Variants in SOX5 observed in about 807,000 individuals in gnomAD.
SOX5 encodes SRY-box transcription factor 5.
Under a neutral mutation model 92.0 loss-of-function variants are expected in SOX5, and 9 were observed. The observed-to-expected ratio is 0.10, with a 90% CI of 0.06 to 0.17. The LOEUF (loss-of-function observed/expected upper bound fraction) is 0.17. Ranked by LOEUF, SOX5 falls within the 10% of genes least tolerant of loss-of-function variation. SOX5 has a pLI of 1.00. For missense variants in SOX5, 642 were observed against 944.5 expected (o/e 0.68, Z 4.20); for synonymous variants, 344 against 336.3 (o/e 1.02, Z -0.25).
At chr12:24,476,013 A>G (rs1414376796) in intron 1 of SOX5, among the ~76,000 whole-genome samples, 1 of 151,866 alleles carries the variant, frequency 6.6e-6, no homozygotes, top group Admixed American at 6.6e-5. Flanking sequence ...AAAAAAAAAA[A>G]AGCAGAAGAG....
chr12:23,766,163 T>A (rs2094719870), intron 3 of SOX5, among the ~76,000 whole-genome samples: 1 of 152,164 alleles, frequency 6.6e-6, no homozygotes, highest in South Asian at 2.1e-4. Context: ...TAAAGTAATC[T>A]TCTGGTCATC....
chr12:23,719,337 A>C (rs1051507743), intron 6 of SOX5, among the ~76,000 whole-genome samples: 1 of 152,200 alleles, frequency 6.6e-6, no homozygotes, highest in African/African-American at 2.4e-5. Flanking sequence ...AATAAATACC[A>C]TTTAATAATG....
intron 1 of SOX5, among the ~76,000 whole-genome samples, chr12:23,932,182 A>G (rs76964726): frequency 0.045 from 6,818 of 151,720 alleles, 206 homozygotes; most frequent in Middle Eastern, 0.082. Flanking sequence ...ACCTGTCTTA[A>G]GAGCCCTGTA....
At chr12:23,921,718 T>C (rs1938332110) in intron 1 of SOX5, among the ~76,000 whole-genome samples, 1 of 152,146 alleles carries the variant, frequency 6.6e-6, no homozygotes. Context: ...GCTCTCTAAC[T>C]CACACTCCCC....
intron 4 of SOX5, among the ~76,000 whole-genome samples, chr12:24,050,911 G>T (rs544256618): frequency 1.3e-5 from 2 of 152,194 alleles, no homozygotes; most frequent in South Asian, 4.1e-4. Context: ...ATTTACTCAT[G>T]TGAATATTCA....
intron 4 of SOX5, among the ~76,000 whole-genome samples, chr12:24,111,673 A>AT (rs1947362026): frequency 6.6e-6 from 1 of 151,890 alleles, no homozygotes; most frequent in African/African-American, 2.4e-5. Flanking sequence ...CTAATATTTT[A>AT]TTTAAAAAAA....
intron 4 of SOX5, among the ~76,000 whole-genome samples, chr12:24,129,703 AAG>A (rs1949461933): frequency 1.3e-5 from 2 of 152,218 alleles, no homozygotes; most frequent in Non-Finnish European, 1.5e-5. Flanking sequence ...GGCAGAGTGA[AAG>A]AGAGGTTCTG....
chr12:23,564,859 A>G lies in SOX5; in HGVS notation c.1343-1456T>C, dbSNP rs117575716. ...TCTGATCTGCTGATTGCCAAAAAAC[A>G]TAGAATATGTTCTTGCTGCTTAAAC... is the stretch of plus-strand genomic sequence containing the variant. On this transcript the variant is annotated intron_variant, in intron 10 of 14. Coordinates refer to ENST00000451604, the MANE Select transcript of SOX5 (RefSeq NM_006940.6). Among the ~76,000 whole-genome samples the G allele has an allele frequency of 5.9e-5, 9 of 152,342 alleles. No homozygotes were observed. In the East Asian group the frequency reaches 1.7e-3, roughly 29 times the overall value.
chr12:24,344,080 T>G lies in SOX5; in HGVS notation c.-174+24483A>C, dbSNP rs562724060. Among the ~76,000 whole-genome samples the G allele has an allele frequency of 9.2e-4, 140 of 152,016 alleles. 3 individuals carry two copies. The South Asian group carries it at 0.028, about 31-fold the overall frequency. ...TGGGCGAATCACAAGGTCAGGAGATTGAGGCCATCCTGACCAACATGGTGA... is the reference window on the plus strand; with the variant it reads ...TGGGCGAATCACAAGGTCAGGAGATGGAGGCCATCCTGACCAACATGGTGA... On this transcript the variant is annotated intron_variant, in intron 2 of 4. Coordinates refer to the SOX5 transcript ENST00000446891.
chr12:24,369,464 T>C (rs1428266025), intron 1 of SOX5, among the ~76,000 whole-genome samples: 1 of 152,148 alleles, frequency 6.6e-6, no homozygotes, highest in Non-Finnish European at 1.5e-5. Flanking sequence ...CACCAAAGGC[T>C]CAAGTGAGCT....
intron 4 of SOX5, among the ~76,000 whole-genome samples, chr12:24,014,509 C>G (rs996198282): frequency 6.6e-6 from 1 of 152,098 alleles, no homozygotes; most frequent in Non-Finnish European, 1.5e-5. Flanking sequence ...CATGTCTGAA[C>G]GAAATGGCCA....
At chr12:23,804,826 CTT>C (rs1274105433) in intron 3 of SOX5, among the ~76,000 whole-genome samples, 2 of 149,798 alleles carry the variant, frequency 1.3e-5, no homozygotes, top group Admixed American at 6.7e-5. Flanking sequence ...AAATAATCCA[CTT>C]TGTTTCTGAT....
intron 4 of SOX5, among the ~76,000 whole-genome samples, chr12:24,198,257 G>A (rs1003650211): frequency 6.6e-6 from 1 of 150,504 alleles, no homozygotes; most frequent in African/African-American, 2.4e-5. Context: ...AGAGGGAGGG[G>A]TTGGGGAGGG....
At chr12:24,529,707 C>T (rs113551193) in intron 1 of SOX5, among the ~76,000 whole-genome samples, 12 of 152,180 alleles carry the variant, frequency 7.9e-5, no homozygotes, top group African/African-American at 2.9e-4. Flanking sequence ...GCTTGCAGAG[C>T]TAGTGCTATT....
At chr12:24,419,417 G>T (rs1965567497) in intron 1 of SOX5, among the ~76,000 whole-genome samples, 1 of 152,136 alleles carries the variant, frequency 6.6e-6, no homozygotes, top group Non-Finnish European at 1.5e-5. Flanking sequence ...TGTGATTACA[G>T]GTGTGAGCCG....
At chr12:24,050,474 G>C (rs887471732) in intron 4 of SOX5, among the ~76,000 whole-genome samples, 10 of 152,044 alleles carry the variant, frequency 6.6e-5, no homozygotes, top group African/African-American at 2.4e-4. Flanking sequence ...AAAAAACTAC[G>C]ATAGGCAAAG....
intron 10 of SOX5, among the ~76,000 whole-genome samples, chr12:23,573,010 T>C (rs1948602287): frequency 6.6e-6 from 1 of 152,194 alleles, no homozygotes. Flanking sequence ...CATTCCAAAA[T>C]TTCTCTGAAA....
At chr12:24,147,856 C>A (rs758780100) in intron 4 of SOX5, among the ~76,000 whole-genome samples, 2 of 151,932 alleles carry the variant, frequency 1.3e-5, no homozygotes, top group Admixed American at 1.3e-4. Context: ...ATGTATAAGA[C>A]CTACATATTG....
chr12:23,720,599 G>C (rs4307797), intron 6 of SOX5, among the ~76,000 whole-genome samples: 112,762 of 151,910 alleles, frequency 0.74, 41,946 homozygotes, highest in Non-Finnish European at 0.76. Flanking sequence ...CTAACTCACT[G>C]TAAAAATGAT....
Sources: gnomAD v4.1 joint callset for allele counts (sites outside exome capture counted in the v4.1 genomes callset) on GRCh38, gnomAD v4.1.1 for gene constraint, MANE v1.5 for transcripts, NCBI Gene and HGNC (gene_info 2026-07-23, HGNC 2026-07-21) for gene names.